The following AGO1 variants were observed in gnomAD, a reference collection of about 807,000 sequenced individuals.
AGO1 encodes the protein argonaute RISC component 1, also known as protein argonaute-1.
AGO1 carries 11 observed loss-of-function variants against 109.2 expected under a neutral mutation model. The observed-to-expected ratio is 0.10, with a 90% CI of 0.06 to 0.17. The LOEUF is 0.17. AGO1 is among the 10% of genes least tolerant of loss of function. The pLI, the probability that AGO1 is intolerant of heterozygous loss-of-function variation, is 1.00. For missense variants in AGO1, 574 were observed against 1,140.3 expected (o/e 0.50, Z 7.15); for synonymous variants, 422 against 418.6 (o/e 1.01, Z -0.10).
chr1:35,893,375 A>T lies in AGO1; in HGVS notation c.512+97A>T, dbSNP rs1232045834. On this transcript the variant is annotated intron_variant, in intron 4 of 18. Transcript: ENST00000373204. This position sits in a 1 kb window ranked among gnomAD's most constrained non-coding sequence, Gnocchi z 5.6. Reference sequence around the variant, plus strand: ...TATTAAGGTCCCACAGAGTGCCATTAAAAAAAAAAATTATTTGAAGCCCTA... The same window carrying T: ...TATTAAGGTCCCACAGAGTGCCATTTAAAAAAAAAATTATTTGAAGCCCTA... 1.1e-5 allele frequency: 9 copies of T among 815,116 alleles called. No homozygotes were observed. The highest frequency in any genetic ancestry group is 4.3e-4 in the Middle Eastern group (1 of 2,346). The allele number at this position is 815,116 out of a possible 1,614,324, so 50.5% of individuals were successfully genotyped here.
Position 35,926,604 on chromosome 1 carries a change from G to A in AGO1, c.*6997G>A, listed in dbSNP as rs571976877. The A allele has an allele frequency of 6.6e-6, 1 of 152,274 alleles. No homozygotes were observed. Among genetic ancestry groups the A allele is most frequent in the Admixed American group, 6.5e-5 (1 of 15,306 alleles). The allele number at this position is 152,274 out of a possible 1,614,324, so 9.4% of individuals were successfully genotyped here. A position where few individuals can be genotyped will look rare whatever the true frequency, so the allele number is the denominator to read the frequency against. ...GTCTACTGCCTGAATGGGAAGTAATGTCGAATTGGAAAATTAGCTCACCAT... is the reference window on the plus strand; with the variant it reads ...GTCTACTGCCTGAATGGGAAGTAATATCGAATTGGAAAATTAGCTCACCAT... On this transcript the variant is annotated 3_prime_UTR_variant, in exon 19 of 19. Transcript: ENST00000373204.
rs1356088970 is a variant in AGO1 at position 35,901,782 on chromosome 1, T to C, written c.1141-166T>C. Among the ~76,000 whole-genome samples the C allele has an allele frequency of 6.6e-6, 1 of 152,186 alleles. No individual in the cohort carries two copies. Among genetic ancestry groups the C allele is most frequent in the Non-Finnish European group, 1.5e-5 (1 of 68,028 alleles). On this transcript the variant is annotated intron_variant, in intron 9 of 18. Transcript: ENST00000373204. The surrounding 1 kb of genome is among the most constrained non-coding windows in gnomAD (Gnocchi z 4.8). ...GTCTCTTTTTCTCTCCTGTATTACT[T>C]TGCTGTGTTATTCCCTCACTTCCCT...
In AGO1 at chr1:35,883,560, C is replaced by A; in HGVS notation, c.25+114C>A. 1 of 1,384,468 alleles carries A rather than the reference C, an allele frequency of 7.2e-7. No individual in the cohort carries two copies. The highest frequency in any genetic ancestry group is 2.9e-5 in the East Asian group (1 of 34,516). The allele number at this position is 1,384,468 out of a possible 1,614,324, so 85.8% of individuals were successfully genotyped here. A position where few individuals can be genotyped will look rare whatever the true frequency, so the allele number is the denominator to read the frequency against. ...TCCTGAGTGAGGAGAAGGGCTCTCC[C>A]ACGATGGGGGCCCAGTTTGAAGGAG... On this transcript the variant is annotated intron_variant, in intron 1 of 18. Coordinates refer to ENST00000373204, the MANE Select transcript of AGO1 (RefSeq NM_012199.5). This position sits in a 1 kb window ranked among gnomAD's most constrained non-coding sequence, Gnocchi z 5.4.
chr1:35,913,763 C>A, intron 12 of AGO1, 79 bp from the exon 13 acceptor site: 2 of 1,474,510 alleles, frequency 1.4e-6, no homozygotes, highest in Non-Finnish European at 9.4e-7. Flanking sequence ...TCCCTAGCAC[C>A]TCATACACTG....
Position 35,893,166 on chromosome 1 carries a change from G to A in AGO1, c.400G>A (p.Ala134Thr), listed in dbSNP as rs1645252575. ...CTTTAAGGTCTCCATCAAGTGGCTA[G>A]CCATTGTGAGCTGGCGAATGCTGCA... ...RIFKVSIKWL[A>T]IVSWRMLHEA... The change falls in exon 4 of 19, where the codon GCC becomes ACC. Residue 134 changes from alanine to threonine, a missense_variant. By Grantham distance (58) the Ala-to-Thr change is moderately conservative. Around this residue, in one of 8 missense-constraint regions of AGO1, gnomAD observed 129 missense variants for 243.0 expected, o/e 0.53. Transcript: ENST00000373204. This position sits in a 1 kb window ranked among gnomAD's most constrained non-coding sequence, Gnocchi z 5.6. 6.2e-7 allele frequency: 1 copy of A among 1,614,052 alleles called. No homozygotes were observed. Among genetic ancestry groups the A allele is most frequent in the African/African-American group, 1.3e-5 (1 of 74,912 alleles).
chr1:35,915,535 T>C lies in AGO1; in HGVS notation c.2021T>C (p.Leu674Pro). 6.2e-7 allele frequency: 1 copy of C among 1,613,890 alleles called. No individual in the cohort carries two copies. The highest frequency in any genetic ancestry group is 1.3e-5 in the African/African-American group (1 of 75,048). Residue 674 changes from leucine (L) to proline (P), a missense_variant, in exon 15 of 19, where the codon CTA (leucine) becomes CCA (proline). Physicochemically the swap from Leu to Pro is moderately conservative, Grantham distance 98. Around this residue, in one of 8 missense-constraint regions of AGO1, gnomAD observed 45 missense variants for 61.3 expected, o/e 0.73. Coordinates refer to ENST00000373204, the MANE Select transcript of AGO1 (RefSeq NM_012199.5). ...FYRDGVPEGQ[L>P]PQILHYELLA... ...CGAGATGGGGTGCCTGAAGGCCAGC[T>C]ACCCCAGGTAGGGCCCACAGTAGGT...
At chr1:35,915,319 G>A (rs1173883742) in intron 14 of AGO1, 29 bp from the exon 15 acceptor site, 5 of 1,598,772 alleles carry the variant, frequency 3.1e-6, no homozygotes, top group Non-Finnish European at 4.3e-6. Context: ...GAAGGTTCTA[G>A]GAGCTAATCC....
intron 2 of AGO1, among the ~76,000 whole-genome samples, chr1:35,891,856 C>T (rs1033633277): frequency 1.3e-5 from 2 of 151,820 alleles, no homozygotes; most frequent in East Asian, 1.9e-4. Flanking sequence ...TGATCCACTG[C>T]ACCTGGCCAT....
At chr1:35,873,045 C>A (rs1440263231) in intron 1 of AGO1, among the ~76,000 whole-genome samples, 2 of 147,520 alleles carry the variant, frequency 1.4e-5, no homozygotes, top group African/African-American at 2.5e-5. Flanking sequence ...GTGCCACCAT[C>A]CCTGGTTACT....
intron 1 of AGO1, chr1:35,873,759 T>C (rs1012524552): frequency 2.6e-5 from 4 of 152,524 alleles, no homozygotes; most frequent in Non-Finnish European, 5.9e-5. Context: ...TTTTATCTAA[T>C]TGCAGGAAAG....
chr1:35,881,913 C>T (rs575683349), upstream of AGO1, among the ~76,000 whole-genome samples: 1 of 152,292 alleles, frequency 6.6e-6, no homozygotes, highest in African/African-American at 2.4e-5. Context: ...TTGAGACTAG[C>T]AAGGAAGTGG....
intron 2 of AGO1, among the ~76,000 whole-genome samples, chr1:35,891,011 G>A (rs11263833): frequency 1.7e-4 from 26 of 152,238 alleles, no homozygotes; most frequent in African/African-American, 5.1e-4. Context: ...GTGGCCTTGC[G>A]TACTATCCTC....
At chr1:35,898,077 T>C (rs1228565222) in intron 8 of AGO1, among the ~76,000 whole-genome samples, 1 of 152,202 alleles carries the variant, frequency 6.6e-6, no homozygotes, top group Non-Finnish European at 1.5e-5. Flanking sequence ...TTCCATCAGA[T>C]GGATATGTCA....
In AGO1 at chr1:35,902,354, G is replaced by A. The variant is rs1645433446; in HGVS notation, c.1397+17G>A. Reference sequence around the variant, plus strand: ...GGTGCTCAAGTAAGGAGGGTTCGCTGTAGGGGTGGAAGGGTGGGAAGGACC... The same window carrying A: ...GGTGCTCAAGTAAGGAGGGTTCGCTATAGGGGTGGAAGGGTGGGAAGGACC... On this transcript the variant is annotated intron_variant, in intron 11 of 18. Transcript: ENST00000373204. 2.5e-6 allele frequency: 4 copies of A among 1,611,598 alleles called. No individual in the cohort carries two copies. Among genetic ancestry groups the A allele is most frequent in the Non-Finnish European group, 3.4e-6 (4 of 1,178,792 alleles).
chr1:35,907,922 C>T (rs1242913990), intron 12 of AGO1, among the ~76,000 whole-genome samples: 3 of 152,052 alleles, frequency 2.0e-5, no homozygotes, highest in Non-Finnish European at 4.4e-5. Context: ...CCCAGAAATT[C>T]GAGGCTAGTC....
At chr1:35,891,642 G>T in intron 2 of AGO1, among the ~76,000 whole-genome samples, 1 of 151,742 alleles carries the variant, frequency 6.6e-6, no homozygotes, top group East Asian at 1.9e-4. Context: ...TCGGCTCACT[G>T]CAACCTCTGC....
At position 35,883,228 on chromosome 1, in the gene AGO1, C is replaced by T; in HGVS notation, c.-194C>T. The T allele has an allele frequency of 8.1e-7, 1 of 1,230,454 alleles. No homozygotes were observed. Among genetic ancestry groups the T allele is most frequent in the Non-Finnish European group, 1.0e-6 (1 of 982,468 alleles). The allele number at this position is 1,230,454 out of a possible 1,614,324, so 76.2% of individuals were successfully genotyped here. On this transcript the variant is annotated 5_prime_UTR_variant, in exon 1 of 19. Coordinates refer to ENST00000373204, the MANE Select transcript of AGO1 (RefSeq NM_012199.5). This position sits in a 1 kb window ranked among gnomAD's most constrained non-coding sequence, Gnocchi z 5.4. Reference sequence around the variant, plus strand: ...CTGCGCACTGGCAGCTGGCCGGGCGCTCGCAGTGGGAGCTGCTGCAGGCTC... The same window carrying T: ...CTGCGCACTGGCAGCTGGCCGGGCGTTCGCAGTGGGAGCTGCTGCAGGCTC...
intron 15 of AGO1, 22 bp from the exon 16 acceptor site, chr1:35,917,571 C>G (rs1368248589): frequency 1.3e-6 from 2 of 1,599,728 alleles, no homozygotes; most frequent in Non-Finnish European, 1.7e-6. Flanking sequence ...CTTTGTTTCC[C>G]TCCCCATTTT....
At chr1:35,895,086 G>A (rs1645295425) in intron 7 of AGO1, 36 bp from the exon 8 acceptor site, 1 of 1,585,124 alleles carries the variant, frequency 6.3e-7, no homozygotes, top group Non-Finnish European at 8.6e-7. Flanking sequence ...TGAATGCTGG[G>A]TTATGACACC....
Sources: allele counts gnomAD v4.1 joint callset (sites outside exome capture counted in the v4.1 genomes callset), GRCh38; gene constraint gnomAD v4.1.1; regional missense constraint gnomAD v4.1.1; non-coding constraint Gnocchi (gnomAD v3.1); transcripts MANE v1.5; gene names NCBI Gene and HGNC (gene_info 2026-07-23, HGNC 2026-07-21).